The following AMZ1 variants were observed in gnomAD, a reference collection of about 807,000 sequenced individuals.
AMZ1 encodes archaemetzincin-1.
AMZ1 carries 39 observed loss-of-function variants against 29.9 expected under a neutral mutation model. The ratio of observed to expected loss-of-function variants is 1.30; its 90% CI spans 1.01 to 1.70. The LOEUF is 1.70. AMZ1 is among the 40% of genes most tolerant of loss of function. The pLI, the probability that AMZ1 is intolerant of heterozygous loss-of-function variation, is 0.00. For missense variants in AMZ1, 1,041 were observed against 680.6 expected (o/e 1.53, Z -5.89); for synonymous variants, 458 against 304.0 (o/e 1.51, Z -5.27).
Position 2,712,886 on chromosome 7 carries a change from G to A in AMZ1, c.*8G>A. On this transcript the variant is annotated 3_prime_UTR_variant, in exon 7 of 7. Coordinates refer to ENST00000683327, the MANE Select transcript of AMZ1 (RefSeq NM_001384743.1). ...GATGGGGAAGAGAGTTAGTACAGCAGGGGCTGCCCTACGTCTCCTTCCCTA... is the reference window on the plus strand; with the variant it reads ...GATGGGGAAGAGAGTTAGTACAGCAAGGGCTGCCCTACGTCTCCTTCCCTA... 2 of 1,512,100 alleles carry A rather than the reference G, an allele frequency of 1.3e-6. No homozygotes were observed. Among genetic ancestry groups the A allele is most frequent in the Non-Finnish European group, 1.8e-6 (2 of 1,130,334 alleles). 93.7% of individuals were successfully genotyped at this position (1,512,100 alleles called of 1,614,324 possible).
In AMZ1 at chr7:2,745,301, T is replaced by G. The variant is rs559462805; in HGVS notation, n.551-19411T>G. On this transcript the variant is annotated intron_variant and non_coding_transcript_variant, in intron 4 of 4. Transcript: ENST00000489665. ...CAGGTTACCCACAAAGGGAAGCCCA[T>G]CAGACTAACAGCTGATCTCTTGGCA... Among the ~76,000 whole-genome samples the G allele has an allele frequency of 4.3e-3, 656 of 152,348 alleles. 6 individuals are homozygous for G. The highest frequency in any genetic ancestry group is 0.015 in the African/African-American group (624 of 41,578).
chr7:2,711,039 C>A (rs1208963496), intron 6 of AMZ1, among the ~76,000 whole-genome samples: 1 of 152,186 alleles, frequency 6.6e-6, no homozygotes, highest in African/African-American at 2.4e-5. Context: ...AAGTGTATGC[C>A]CCTCCCTACA....
intron 1 of AMZ1, 99 bp downstream of exon 1, chr7:2,688,395 C>A (rs1787178531): frequency 6.6e-6 from 1 of 151,906 alleles, no homozygotes; most frequent in Non-Finnish European, 1.5e-5. Context: ...CAGCCCGGCC[C>A]GCGCACCAAG....
At chr7:2,760,914 G>A (rs183415529), upstream of AMZ1, among the ~76,000 whole-genome samples, 3,745 of 152,262 alleles carry the variant, frequency 0.025, 113 homozygotes, top group Middle Eastern at 0.075. Context: ...GGGAGTGGGG[G>A]GTTCTGGCTG....
At chr7:2,711,512 G>A (rs569045215) in intron 6 of AMZ1, among the ~76,000 whole-genome samples, 2 of 152,332 alleles carry the variant, frequency 1.3e-5, no homozygotes, top group Admixed American at 6.5e-5. Context: ...ATGCAGGAGA[G>A]GAGACTAACC....
intron 1 of AMZ1, among the ~76,000 whole-genome samples, chr7:2,692,140 C>T (rs914396473): frequency 1.3e-5 from 2 of 152,144 alleles, no homozygotes; most frequent in Admixed American, 6.5e-5. Flanking sequence ...TCGGGTGCTC[C>T]GAGGCCGGCT....
rs1420596674 is a variant in AMZ1, at chr7:2,718,466, C to T, written c.*5588C>T. On this transcript the variant is annotated 3_prime_UTR_variant, in exon 7 of 7. Coordinates refer to ENST00000683327, the MANE Select transcript of AMZ1 (RefSeq NM_001384743.1). ...GCCTCCTTCAGTGGTCTGTGACCAG[C>T]GGGAATGAATGGGGACGTGTTTTGT... 1.3e-5 allele frequency among the ~76,000 whole-genome samples: 2 copies of T among 152,180 alleles called. No individual in the cohort carries two copies. The highest frequency in any genetic ancestry group is 2.4e-5 in the African/African-American group (1 of 41,438).
chr7:2,728,635 TAA>T (rs1196176580), intron 4 of AMZ1: 2 of 152,366 alleles, frequency 1.3e-5, no homozygotes, highest in African/African-American at 4.8e-5. Context: ...AACATCTTAA[TAA>T]AAAAGACAAT....
Position 2,731,485 on chromosome 7 carries a change from A to G in AMZ1, n.550+21669A>G. The G allele has an allele frequency of 6.2e-7, 1 of 1,613,520 alleles. No individual in the cohort carries two copies. Among genetic ancestry groups the G allele is most frequent in the Non-Finnish European group, 8.5e-7 (1 of 1,179,768 alleles). On this transcript the variant is annotated intron_variant and non_coding_transcript_variant, in intron 4 of 4. Transcript: ENST00000489665. The surrounding 1 kb of genome is among the most constrained non-coding windows in gnomAD (Gnocchi z 6.0). ...GACGTTGAAGAAGAGCTTGTTGTTG[A>G]CGATGGTCTCGAAGATGTTCATGGA...
upstream of AMZ1, among the ~76,000 whole-genome samples, chr7:2,684,357 G>T (rs1334986355): frequency 1.3e-5 from 2 of 152,176 alleles, no homozygotes; most frequent in East Asian, 3.9e-4. Flanking sequence ...TCCAAATAAG[G>T]TCCCATTCTG....
chr7:2,741,715 G>C (rs138538825), intron 4 of AMZ1, among the ~76,000 whole-genome samples: 2 of 151,890 alleles, frequency 1.3e-5, no homozygotes, highest in African/African-American at 4.8e-5. Flanking sequence ...TTAAAAATCC[G>C]TCATCATTTG....
At chr7:2,733,499 C>T (rs1442290409) in intron 4 of AMZ1, 1 of 1,613,124 alleles carries the variant, frequency 6.2e-7, no homozygotes. Context: ...TCACCGACTC[C>T]CCCTGTCAGG....
At chr7:2,746,546 A>G (rs2115347279) in intron 4 of AMZ1, among the ~76,000 whole-genome samples, 1 of 152,328 alleles carries the variant, frequency 6.6e-6, no homozygotes, top group East Asian at 1.9e-4. Flanking sequence ...TATAGCACTA[A>G]ATGCCCACAA....
At chr7:2,684,509 G>C (rs1000433417), upstream of AMZ1, among the ~76,000 whole-genome samples, 1 of 152,220 alleles carries the variant, frequency 6.6e-6, no homozygotes, top group Non-Finnish European at 1.5e-5. Flanking sequence ...ATGGTGATGG[G>C]GTCAAAGTTG....
At position 2,700,389 on chromosome 7, in the gene AMZ1, C is replaced by T. The variant is rs1244836148; in HGVS notation, c.-63C>T. The T allele has an allele frequency of 1.3e-6, 2 of 1,544,384 alleles. No individual in the cohort carries two copies. The highest frequency in any genetic ancestry group is 1.8e-5 in the Admixed American group (1 of 55,534). On this transcript the variant is annotated 5_prime_UTR_variant, in exon 2 of 7. Transcript: ENST00000683327. ...GATTCTGGACGAGACCGTGGCCGTC[C>T]CCCGGGTGGCCCATGGACAGCAGCA...
chr7:2,708,785 A>T, intron 4 of AMZ1, 69 bp downstream of exon 4: 1 of 1,603,816 alleles, frequency 6.2e-7, no homozygotes. Context: ...CCGTGGCTGC[A>T]GGGCACCCTC....
At chr7:2,697,195 C>T (rs1012203503) in intron 1 of AMZ1, among the ~76,000 whole-genome samples, 4 of 152,092 alleles carry the variant, frequency 2.6e-5, no homozygotes, top group South Asian at 2.1e-4. Context: ...CTCTGCCTCC[C>T]GGGTTCAAGT....
At chr7:2,763,802 G>C (rs976188870), upstream of AMZ1, among the ~76,000 whole-genome samples, 4 of 152,274 alleles carry the variant, frequency 2.6e-5, no homozygotes, top group Middle Eastern at 3.4e-3. Context: ...AAGCTCCCTG[G>C]GCAGGCGAGG....
downstream of AMZ1, among the ~76,000 whole-genome samples, chr7:2,722,101 C>A (rs1176440494): frequency 2.0e-5 from 3 of 152,060 alleles, no homozygotes; most frequent in Non-Finnish European, 4.4e-5. Flanking sequence ...CCAACTGGTC[C>A]CTTCGGCAGT....
Sources: gnomAD v4.1 joint callset for allele counts (sites outside exome capture counted in the v4.1 genomes callset) on GRCh38, gnomAD v4.1.1 for gene constraint, Gnocchi (gnomAD v3.1) non-coding constraint, MANE v1.5 for transcripts, NCBI Gene and HGNC (gene_info 2026-07-23, HGNC 2026-07-21) for gene names.